Variants in PDE8B observed in about 807,000 individuals in gnomAD.
PDE8B encodes phosphodiesterase 8B.
In PDE8B, 26 loss-of-function variants were observed where a neutral mutation model predicts 101.3. The ratio of observed to expected loss-of-function variants is 0.26; its 90% confidence interval spans 0.19 to 0.36. The LOEUF is 0.36. PDE8B is among the 10% of genes least tolerant of loss of function. The pLI is 1.00. For synonymous variants in PDE8B, 424 were observed against 429.3 expected, an observed-to-expected ratio of 0.99 and a Z score of 0.15; for missense variants, 810 against 1,163.1, an observed-to-expected ratio of 0.70 and a Z score of 4.42.
chr5:77,366,280 A>T (rs892766621), intron 10 of PDE8B, among the ~76,000 whole-genome samples: 6 of 152,142 alleles, frequency 3.9e-5, no homozygotes, highest in Non-Finnish European at 8.8e-5. Flanking sequence ...GCGACGCTGC[A>T]CCACCAAAAC....
intron 1 of PDE8B, among the ~76,000 whole-genome samples, chr5:77,221,420 G>A (rs1344519736): frequency 2.6e-5 from 4 of 152,174 alleles, no homozygotes; most frequent in Admixed American, 1.3e-4. Flanking sequence ...GCTAGAAACC[G>A]TAGTTTGATT....
rs1164016041 is a variant in PDE8B at position 77,235,867 on chromosome 5, G to T, written c.339+24603G>T. ...TTTCTGAGTACTTACATTTTAACTG[G>T]GGGAGATCACCAAGAAAAAAAATTT... On this transcript the variant is annotated intron_variant, in intron 1 of 21. Transcript: ENST00000264917. Among the ~76,000 whole-genome samples the T allele has an allele frequency of 2.0e-5, 3 of 151,742 alleles. No individual in the cohort carries two copies. In the South Asian group the frequency reaches 6.3e-4, roughly 32 times the overall value.
chr5:77,158,115 A>T, the PDE8B span, among the ~76,000 whole-genome samples: 1 of 152,244 alleles, frequency 6.6e-6, no homozygotes, highest in East Asian at 1.9e-4. Context: ...AGTAAGTGGC[A>T]GAGCTGGAAC....
At chr5:77,323,126 A>G (rs1308065548) in intron 2 of PDE8B, among the ~76,000 whole-genome samples, 5 of 152,200 alleles carry the variant, frequency 3.3e-5, no homozygotes, top group African/African-American at 1.2e-4. Context: ...ACCAAGTAAA[A>G]GGTTATTGAC....
chr5:77,116,468 C>G, the PDE8B span, among the ~76,000 whole-genome samples: 1 of 152,044 alleles, frequency 6.6e-6, no homozygotes, highest in Non-Finnish European at 1.5e-5. Flanking sequence ...TCTTGAACTC[C>G]TGACCTCAAG....
At chr5:77,101,166 A>G in the PDE8B span, among the ~76,000 whole-genome samples, 2 of 147,706 alleles carry the variant, frequency 1.4e-5, no homozygotes, top group East Asian at 4.0e-4. Flanking sequence ...AGGTGGGGTC[A>G]TGCCATGTTG....
rs182086984 is a variant in PDE8B at position 77,423,926 on chromosome 5, C to T, written c.2419-1841C>T. 4.3e-3 allele frequency among the ~76,000 whole-genome samples: 659 copies of T among 151,506 alleles called. 5 individuals carry two copies. Among genetic ancestry groups the T allele is most frequent in the African/African-American group, 0.015 (609 of 41,222 alleles). On this transcript the variant is annotated intron_variant, in intron 20 of 21. Transcript: ENST00000264917. ...TGCTAGGATTACAGGCGTGAGCCAC[C>T]GCACCCAGCCTGGACATTTTTTTTT...
In PDE8B at chr5:77,421,914, G is replaced by A. The variant is rs769655505; in HGVS notation, c.2344G>A (p.Val782Met). The part of the protein sequence containing the change: ...IKRMMIKCAD[V>M]ANPCRPLDLC... ...ACGCATGATGATTAAGTGTGCTGACGTGGCCAACCCATGCCGCCCCTTGGA... is the reference window on the plus strand; with the variant it reads ...ACGCATGATGATTAAGTGTGCTGACATGGCCAACCCATGCCGCCCCTTGGA... Residue 782 changes from valine to methionine, a missense_variant, in exon 20 of 22, where the codon GTG (valine) becomes ATG (methionine). This residue lies in a region of PDE8B where 325 missense variants were observed against 560.9 expected (regional missense o/e 0.58). Coordinates refer to ENST00000264917, the MANE Select transcript of PDE8B (RefSeq NM_003719.5). 17 of 1,614,170 alleles carry A rather than the reference G, an allele frequency of 1.1e-5. No individual in the cohort carries two copies. The Admixed American group carries it at 1.3e-4, about 13-fold the overall frequency.
intron 1 of PDE8B, among the ~76,000 whole-genome samples, chr5:77,292,559 T>C (rs1490180582): frequency 2.0e-5 from 3 of 152,186 alleles, no homozygotes. Flanking sequence ...GTAAAATCTT[T>C]GGAATTTTGA....
chr5:77,234,782 T>C (rs1561389861), intron 1 of PDE8B, among the ~76,000 whole-genome samples: 1 of 152,246 alleles, frequency 6.6e-6, no homozygotes, highest in African/African-American at 2.4e-5. Context: ...AAGTAAGTGA[T>C]TGAGAGCTTT....
At chr5:77,342,140 G>A (rs79410015) in intron 6 of PDE8B, among the ~76,000 whole-genome samples, 19,081 of 152,148 alleles carry the variant, frequency 0.13, 1,381 homozygotes, top group East Asian at 0.29. Context: ...GATAGGTTAC[G>A]ATTCATTTTT....
intron 20 of PDE8B, among the ~76,000 whole-genome samples, chr5:77,423,632 GTTTTTTTTTTT>G (rs71594634): frequency 1.4e-4 from 10 of 74,046 alleles, no homozygotes; most frequent in East Asian, 1.1e-3. Flanking sequence ...GTTTTGTTTA[GTTTTTTTTTTT>G]TTTTTTTTTT....
the PDE8B span, chr5:77,112,598 C>T: frequency 2.0e-5 from 3 of 152,144 alleles, no homozygotes; most frequent in Non-Finnish European, 4.4e-5. Flanking sequence ...GAAGCATTCT[C>T]TTTGAAAACA....
the PDE8B span, among the ~76,000 whole-genome samples, chr5:77,143,277 A>G: frequency 6.6e-6 from 1 of 152,200 alleles, no homozygotes; most frequent in Admixed American, 6.5e-5. Context: ...CTGTGGATTA[A>G]ACTGGCTCTT....
the PDE8B span, among the ~76,000 whole-genome samples, chr5:77,184,824 A>G: frequency 3.4e-4 from 52 of 152,178 alleles, no homozygotes; most frequent in East Asian, 9.8e-3. Flanking sequence ...AAATTTTTCA[A>G]AATAAAAATA....
At chr5:77,331,831 C>T (rs775086144) in intron 5 of PDE8B, among the ~76,000 whole-genome samples, 1 of 152,134 alleles carries the variant, frequency 6.6e-6, no homozygotes, top group Non-Finnish European at 1.5e-5. Flanking sequence ...CAAATTGGCA[C>T]CCAAGATTCT....
chr5:77,281,416 C>A (rs1764975125), intron 1 of PDE8B, among the ~76,000 whole-genome samples: 1 of 152,176 alleles, frequency 6.6e-6, no homozygotes, highest in African/African-American at 2.4e-5. Flanking sequence ...GCCAGAAATT[C>A]AAAATGAATC....
intron 1 of PDE8B, among the ~76,000 whole-genome samples, chr5:77,303,982 T>G (rs893359009): frequency 4.6e-5 from 7 of 152,232 alleles, no homozygotes; most frequent in African/African-American, 7.2e-5. Context: ...TTTTCTAAAT[T>G]TTTGTTACAA....
At chr5:77,358,214 C>T (rs1782461020) in intron 10 of PDE8B, among the ~76,000 whole-genome samples, 1 of 152,236 alleles carries the variant, frequency 6.6e-6, no homozygotes, top group South Asian at 2.1e-4. Flanking sequence ...CTGTTCATTG[C>T]TAAGTAGTGA....
Sources: gnomAD v4.1 joint callset for allele counts (sites outside exome capture counted in the v4.1 genomes callset) on GRCh38, gnomAD v4.1.1 for gene constraint, gnomAD v4.1.1 regional missense constraint, MANE v1.5 for transcripts, NCBI Gene and HGNC (gene_info 2026-07-23, HGNC 2026-07-21) for gene names.